DEF6: variants seen among roughly 807,000 people sequenced by gnomAD.
DEF6 encodes the protein differentially expressed in FDCP 6 homolog.
Under a neutral mutation model 80.5 loss-of-function variants are expected in DEF6, and 32 were observed. The ratio of observed to expected loss-of-function variants is 0.40; its 90% confidence interval spans 0.30 to 0.53. The LOEUF (loss-of-function observed/expected upper bound fraction) is 0.53, where lower values mean the gene tolerates loss of function less well. DEF6 is among the 20% of genes least tolerant of loss of function. DEF6 has a pLI of 0.57. For missense variants in DEF6, 575 were observed against 818.7 expected, an observed-to-expected ratio of 0.70 and a Z score of 3.63; for synonymous variants, 300 against 337.9, an observed-to-expected ratio of 0.89 and a Z score of 1.23.
At position 35,321,405 on chromosome 6, in the gene DEF6, A is replaced by T. The variant is rs1188835246; in HGVS notation, c.1891A>T (p.Asn631Tyr). Reference protein sequence around the residue: ...QEDKLDPAPEN With the variant: ...QEDKLDPAPEY ...AGATAAACTGGATCCAGCACCAGAA[A>T]ATTAGCCTCTCTTAGCCCCTTGTTC... is the stretch of plus-strand genomic sequence containing the variant. The change falls in exon 11 of 11, where the codon AAT becomes TAT. Residue 631 changes from asparagine to tyrosine, a missense_variant. By Grantham distance (143) the Asn-to-Tyr change is moderately radical. Coordinates refer to ENST00000316637, the MANE Select transcript of DEF6 (RefSeq NM_022047.4). 5 of 1,613,116 alleles carry T rather than the reference A, an allele frequency of 3.1e-6. No individual in the cohort carries two copies. The highest frequency in any genetic ancestry group is 4.2e-6 in the Non-Finnish European group (5 of 1,179,364).
rs536587367 is a variant in DEF6 at position 35,319,009 on chromosome 6, T to C, written c.1216-515T>C. 2.0e-5 allele frequency among the ~76,000 whole-genome samples: 3 copies of C among 152,244 alleles called. No homozygotes were observed. The South Asian group carries it at 6.2e-4, about 32-fold the overall frequency. On this transcript the variant is annotated intron_variant, in intron 7 of 10. Coordinates refer to ENST00000316637, the MANE Select transcript of DEF6 (RefSeq NM_022047.4). The surrounding 1 kb of genome is among the most constrained non-coding windows in gnomAD (Gnocchi z 4.5). ...AGCCCCGTGATCCCAGGCAAGTTCATTTTACTGAGCCTTATCAGTAAAATG... is the reference window on the plus strand; with the variant it reads ...AGCCCCGTGATCCCAGGCAAGTTCACTTTACTGAGCCTTATCAGTAAAATG...
chr6:35,307,066 G>T (rs1380136817), intron 1 of DEF6, among the ~76,000 whole-genome samples: 2 of 152,190 alleles, frequency 1.3e-5, no homozygotes, highest in African/African-American at 4.8e-5. Context: ...GAGCATTCTT[G>T]TATCTCTCCC....
intron 1 of DEF6, among the ~76,000 whole-genome samples, chr6:35,309,129 T>C (rs1297179060): frequency 6.6e-6 from 1 of 152,152 alleles, no homozygotes; most frequent in Non-Finnish European, 1.5e-5. Flanking sequence ...ATGGAAACCA[T>C]GATAAATTGG....
intron 5 of DEF6, among the ~76,000 whole-genome samples, chr6:35,317,044 A>C (rs1391841841): frequency 1.3e-5 from 2 of 152,228 alleles, no homozygotes; most frequent in Non-Finnish European, 2.9e-5. Flanking sequence ...AATATATCAG[A>C]ATTTCATTCC....
rs1461823637 is a variant in DEF6 at position 35,306,488 on chromosome 6, GC to G, written c.97-3181del. On this transcript the variant is annotated intron_variant, in intron 1 of 10. Transcript: ENST00000316637. ...ATCACGCCATTGCACTCCAGCCTGG[GC>G]AACAAGAGTGAAATTCTGTCTTAAA... 2.6e-5 allele frequency among the ~76,000 whole-genome samples: 4 copies of G among 151,492 alleles called. No homozygotes were observed. The South Asian group carries it at 8.3e-4, about 32-fold the overall frequency.
In DEF6 at chr6:35,318,705, C is replaced by G. The variant is rs1791553072; in HGVS notation, c.1215+234C>G. Among the ~76,000 whole-genome samples, 1 of 151,924 alleles carries G rather than the reference C, an allele frequency of 6.6e-6. No homozygotes were observed. Among genetic ancestry groups the G allele is most frequent in the Non-Finnish European group, 1.5e-5 (1 of 67,978 alleles). ...CTGGGGCTAGGAAAGGGGTGTGGGG[C>G]GAGGTCCGAGCCCGTGGATGGATGG... On this transcript the variant is annotated intron_variant, in intron 7 of 10. Coordinates refer to ENST00000316637, the MANE Select transcript of DEF6 (RefSeq NM_022047.4). The surrounding 1 kb of genome is among the most constrained non-coding windows in gnomAD (Gnocchi z 5.1).
At chr6:35,315,189 G>GT in intron 5 of DEF6, among the ~76,000 whole-genome samples, 1 of 152,194 alleles carries the variant, frequency 6.6e-6, no homozygotes, top group East Asian at 1.9e-4. Context: ...ACTACATTTT[G>GT]TTTTTTTGTT....
chr6:35,312,840 A>T lies in DEF6; in HGVS notation c.807+68A>T. 33 of 1,314,588 alleles carry T rather than the reference A, an allele frequency of 2.5e-5. No homozygotes were observed. The highest frequency in any genetic ancestry group is 2.8e-5 in the Non-Finnish European group (26 of 944,420). 81.4% of individuals were successfully genotyped at this position (1,314,588 alleles called of 1,614,324 possible). On this transcript the variant is annotated intron_variant, in intron 5 of 10. Coordinates refer to ENST00000316637, the MANE Select transcript of DEF6 (RefSeq NM_022047.4). This position sits in a 1 kb window ranked among gnomAD's most constrained non-coding sequence, Gnocchi z 6.6. ...GTGTCCTCAGGGGCATGAGAAGACA[A>T]GGGGGTCAGGAGAGGGGCAAATGGA...
chr6:35,297,989 T>G (rs1791262352), intron 1 of DEF6, 37 bp downstream of exon 1: 2 of 1,529,204 alleles, frequency 1.3e-6, no homozygotes, highest in African/African-American at 1.4e-5. Context: ...GGACGGCAGA[T>G]GCACCACACC....
At chr6:35,302,212 A>C (rs1188062344) in intron 1 of DEF6, among the ~76,000 whole-genome samples, 1 of 152,188 alleles carries the variant, frequency 6.6e-6, no homozygotes, top group Non-Finnish European at 1.5e-5. Context: ...AAATGAAAAA[A>C]ATTAGGCATG....
At chr6:35,305,883 TTTTG>T (rs1481516681) in intron 1 of DEF6, among the ~76,000 whole-genome samples, 1 of 151,236 alleles carries the variant, frequency 6.6e-6, no homozygotes, top group African/African-American at 2.4e-5. Flanking sequence ...AAATTTGTTT[TTTTG>T]TTTTTGTTTT....
intron 10 of DEF6, 83 bp downstream of exon 10, chr6:35,321,057 A>T: frequency 6.5e-7 from 1 of 1,549,138 alleles, no homozygotes; most frequent in Non-Finnish European, 8.9e-7. Flanking sequence ...AGACCTCCAG[A>T]TCTCCCAGGG....
chr6:35,307,649 A>G (rs749603474), intron 1 of DEF6, among the ~76,000 whole-genome samples: 4 of 152,206 alleles, frequency 2.6e-5, no homozygotes, highest in Non-Finnish European at 5.9e-5. Flanking sequence ...CCAAACTCAA[A>G]TGGCTTAAGG....
At position 35,309,707 on chromosome 6, in the gene DEF6, C is replaced by T; in HGVS notation, c.134C>T (p.Pro45Leu). Residue 45 changes from proline (P) to leucine (L), a missense_variant, in exon 2 of 11, where the codon CCC becomes CTC. Transcript: ENST00000316637. Reference protein sequence around the residue: ...SHNLYTVLHIPHDPVALEEHF... With the variant: ...SHNLYTVLHILHDPVALEEHF... The stretch of plus-strand genomic sequence containing the variant: ...AACCTGTACACGGTCCTGCACATCC[C>T]CCATGACCCCGTGGCCCTGGAGGAA... The T allele has an allele frequency of 6.2e-7, 1 of 1,614,018 alleles. No homozygotes were observed. The highest frequency in any genetic ancestry group is 8.5e-7 in the Non-Finnish European group (1 of 1,180,004).
In DEF6 at chr6:35,301,634, C is replaced by A. The variant is rs574268688; in HGVS notation, c.96+3682C>A. ...ACACAGCTAATCCAAAGATTCCCAC[C>A]TTTTAAAATTTCCAGTGTTCCTCCA... On this transcript the variant is annotated intron_variant, in intron 1 of 10. Coordinates refer to ENST00000316637, the MANE Select transcript of DEF6 (RefSeq NM_022047.4). 3.3e-5 allele frequency among the ~76,000 whole-genome samples: 5 copies of A among 151,974 alleles called. No homozygotes were observed. The South Asian group carries it at 1.0e-3, about 32-fold the overall frequency.
In DEF6 at chr6:35,312,404, A is replaced by G; in HGVS notation, c.526A>G (p.Thr176Ala). 6.2e-7 allele frequency: 1 copy of G among 1,614,084 alleles called. No individual in the cohort carries two copies. The change falls in exon 4 of 11, where the codon ACC (threonine) becomes GCC (alanine). Residue 176 changes from threonine to alanine, a missense_variant. Physicochemically the swap from Thr to Ala is moderately conservative, Grantham distance 58. Coordinates refer to ENST00000316637, the MANE Select transcript of DEF6 (RefSeq NM_022047.4). This position sits in a 1 kb window ranked among gnomAD's most constrained non-coding sequence, Gnocchi z 6.6. ...CCAGGAGGCCCAGGTGGCCCAGACC[A>G]CCGGGGGGCTCAGCGTCTGGCAGTT... The part of the protein sequence containing the change: ...LAQEAQVAQT[T>A]GGLSVWQFLE...
At chr6:35,313,194 C>T (rs6900530) in intron 5 of DEF6, among the ~76,000 whole-genome samples, 19,974 of 152,038 alleles carry the variant, frequency 0.13, 3,316 homozygotes, top group African/African-American at 0.39. Context: ...TTGTGTTCAT[C>T]ACTATTTTAG....
Position 35,319,449 on chromosome 6 carries a change from G to T in DEF6, c.1216-75G>T. ...TCACCCCTAGGCAGCTTAGCAACAT[G>T]CCCACCCCCTCCTCCTCCGCCCCCA... On this transcript the variant is annotated intron_variant, in intron 7 of 10. Transcript: ENST00000316637. This position sits in a 1 kb window ranked among gnomAD's most constrained non-coding sequence, Gnocchi z 4.5. 9.1e-7 allele frequency: 1 copy of T among 1,097,948 alleles called. No individual in the cohort carries two copies. Among genetic ancestry groups the T allele is most frequent in the South Asian group, 1.5e-5 (1 of 67,342 alleles). The allele number at this position is 1,097,948 out of a possible 1,614,324, so 68.0% of individuals were successfully genotyped here.
chr6:35,320,605 A>G (rs1399478861), intron 9 of DEF6, among the ~76,000 whole-genome samples: 1 of 152,246 alleles, frequency 6.6e-6, no homozygotes, highest in Non-Finnish European at 1.5e-5. Flanking sequence ...TGGAAGTTAA[A>G]TAAGATAATA....
Sources: gnomAD v4.1 joint callset for allele counts (sites outside exome capture counted in the v4.1 genomes callset) on GRCh38, gnomAD v4.1.1 for gene constraint, Gnocchi (gnomAD v3.1) non-coding constraint, MANE v1.5 for transcripts, NCBI Gene and HGNC (gene_info 2026-07-23, HGNC 2026-07-21) for gene names.